The following XKR6 variants were observed in gnomAD, a reference collection of about 807,000 sequenced individuals.
XKR6 encodes XK-related protein 6.
XKR6 carries 22 observed loss-of-function variants against 56.7 expected under a neutral mutation model. That is an observed-to-expected ratio of 0.39 (90% confidence interval 0.28 to 0.55). XKR6 has a LOEUF of 0.55. Ranked by LOEUF, XKR6 falls within the 20% of genes least tolerant of loss-of-function variation. The probability of loss-of-function intolerance (pLI) is 0.66; values close to 1 mark genes in which losing one functional copy is unlikely to be tolerated. For missense variants in XKR6, 852 were observed against 889.0 expected (o/e 0.96, Z 0.53); for synonymous variants, 524 against 387.8 (o/e 1.35, Z -4.13).
At chr8:11,128,184 G>T (rs1218871330) in intron 1 of XKR6, among the ~76,000 whole-genome samples, 1 of 152,138 alleles carries the variant, frequency 6.6e-6, no homozygotes, top group Non-Finnish European at 1.5e-5. Context: ...CTAGAAACAG[G>T]AAACCACACT....
rs1210378474 is a variant in XKR6, at chr8:11,063,897, CTTTCTCTTTGAACT to C, written c.764+136665_764+136678del. 6.6e-5 allele frequency among the ~76,000 whole-genome samples: 10 copies of C among 152,232 alleles called. 1 individual carries two copies. Among genetic ancestry groups the C allele is most frequent in the Non-Finnish European group, 1.5e-4 (10 of 68,038 alleles). On this transcript the variant is annotated intron_variant, in intron 1 of 2. Transcript: ENST00000416569. The stretch of plus-strand genomic sequence containing the variant: ...TAACTGATGGCCCCAGAATGCATCT[CTTTCTCTTTGAACT>C]TTTTCCTCAAGCTAATAATTTCCCT...
chr8:10,980,930 G>C (rs1005736730), intron 1 of XKR6, among the ~76,000 whole-genome samples: 2 of 152,122 alleles, frequency 1.3e-5, no homozygotes, highest in Non-Finnish European at 2.9e-5. Context: ...GGAGGGATTA[G>C]AGACAGGGAC....
chr8:11,118,108 A>G (rs1799267640), intron 1 of XKR6, among the ~76,000 whole-genome samples: 2 of 152,156 alleles, frequency 1.3e-5, no homozygotes, highest in South Asian at 4.1e-4. Flanking sequence ...CCAGATTCTT[A>G]TTTCTTCTCA....
intron 1 of XKR6, among the ~76,000 whole-genome samples, chr8:11,007,831 G>A (rs371151301): frequency 1.3e-5 from 2 of 152,094 alleles, no homozygotes; most frequent in Non-Finnish European, 2.9e-5. Context: ...CTCTGGGCTT[G>A]TATCTTTTCC....
At position 10,898,440 on chromosome 8, in the gene XKR6, C is replaced by T. The variant is rs1407201948; in HGVS notation, c.1438G>A (p.Val480Ile). 1 of 1,614,088 alleles carries T rather than the reference C, an allele frequency of 6.2e-7. No individual in the cohort carries two copies. Among genetic ancestry groups the T allele is most frequent in the African/African-American group, 1.3e-5 (1 of 75,050 alleles). ...DSYAVPALCCVFISFVAGIAM... is the reference protein window; with the variant it reads ...DSYAVPALCCIFISFVAGIAM... ...ATCCCAGCCACAAAGCTAATAAAGACACAACACAGTGCTGGCACCGCATAG... is the reference window on the plus strand; with the variant it reads ...ATCCCAGCCACAAAGCTAATAAAGATACAACACAGTGCTGGCACCGCATAG... The change falls in exon 3 of 3, where the codon GTC (valine) becomes ATC (isoleucine). Residue 480 changes from valine to isoleucine, a missense_variant. Around this residue, in one of 4 missense-constraint regions of XKR6, gnomAD observed 197 missense variants for 190.9 expected, o/e 1.03. Transcript: ENST00000416569. The surrounding 1 kb of genome is among the most constrained non-coding windows in gnomAD (Gnocchi z 6.6).
intron 1 of XKR6, among the ~76,000 whole-genome samples, chr8:11,096,507 G>T (rs1053306244): frequency 2.0e-5 from 3 of 152,204 alleles, no homozygotes; most frequent in Non-Finnish European, 4.4e-5. Flanking sequence ...ACTGCACAAC[G>T]AAGGCATTGG....
chr8:11,155,297 C>A (rs182838348), intron 1 of XKR6, among the ~76,000 whole-genome samples: 4 of 152,276 alleles, frequency 2.6e-5, no homozygotes, highest in African/African-American at 7.2e-5. Flanking sequence ...TAGTTAATTA[C>A]GGGTCGAGTA....
At chr8:11,110,635 A>C (rs1386694254) in intron 1 of XKR6, among the ~76,000 whole-genome samples, 3 of 152,172 alleles carry the variant, frequency 2.0e-5, no homozygotes, top group African/African-American at 7.2e-5. Flanking sequence ...CTTGACCATC[A>C]TATGTATCTG....
chr8:11,103,340 C>T (rs1258714754), intron 1 of XKR6, among the ~76,000 whole-genome samples: 2 of 152,146 alleles, frequency 1.3e-5, no homozygotes, highest in Non-Finnish European at 2.9e-5. Flanking sequence ...GAGATTCAAA[C>T]ATTCAGGAGT....
At chr8:11,146,385 G>T (rs1800983189) in intron 1 of XKR6, among the ~76,000 whole-genome samples, 1 of 152,206 alleles carries the variant, frequency 6.6e-6, no homozygotes, top group African/African-American at 2.4e-5. Flanking sequence ...CAACACTTTG[G>T]GAGACTGGGG....
intron 1 of XKR6, chr8:11,106,638 CAGG>C (rs1041277296): frequency 6.6e-6 from 1 of 152,156 alleles, no homozygotes; most frequent in Admixed American, 6.6e-5. Flanking sequence ...CACTTGAGGT[CAGG>C]AGTTCAAGAT....
chr8:10,898,476 T>C lies in XKR6; in HGVS notation c.1402A>G (p.Thr468Ala), dbSNP rs915047374. The C allele has an allele frequency of 1.2e-6, 2 of 1,613,858 alleles. No individual in the cohort carries two copies. Among genetic ancestry groups the C allele is most frequent in the Non-Finnish European group, 8.5e-7 (1 of 1,179,988 alleles). Reference protein sequence around the residue: ...FLWYFYRDPETTDSYAVPALC... With the variant: ...FLWYFYRDPEATDSYAVPALC... ...GCTGGCACCGCATAGGAGTCAGTGGTCTCCGGGTCTCTGTAAAAATACCAA... is the reference window on the plus strand; with the variant it reads ...GCTGGCACCGCATAGGAGTCAGTGGCCTCCGGGTCTCTGTAAAAATACCAA... The change falls in exon 3 of 3, where the codon ACC becomes GCC. Residue 468 changes from threonine (T) to alanine (A), a missense_variant. By Grantham distance (58) the Thr-to-Ala change is moderately conservative. Around this residue, in one of 4 missense-constraint regions of XKR6, gnomAD observed 197 missense variants for 190.9 expected, o/e 1.03. Transcript: ENST00000416569. This position sits in a 1 kb window ranked among gnomAD's most constrained non-coding sequence, Gnocchi z 6.6.
chr8:11,055,503 A>C (rs1799659124), intron 1 of XKR6, among the ~76,000 whole-genome samples: 3 of 152,124 alleles, frequency 2.0e-5, no homozygotes, highest in Non-Finnish European at 1.5e-5. Context: ...GGTCTAGGAG[A>C]GCCACAGGCC....
chr8:11,039,203 G>C (rs542717424), intron 1 of XKR6, among the ~76,000 whole-genome samples: 1 of 152,314 alleles, frequency 6.6e-6, no homozygotes, highest in Non-Finnish European at 1.5e-5. Flanking sequence ...GAGGCCACCA[G>C]CCAATGTACT....
chr8:11,157,668 A>C (rs1801587627), intron 1 of XKR6, among the ~76,000 whole-genome samples: 1 of 152,114 alleles, frequency 6.6e-6, no homozygotes, highest in African/African-American at 2.4e-5. Flanking sequence ...GGTGCATGCC[A>C]CCATACATAG....
chr8:11,033,157 G>A (rs1261563053), intron 1 of XKR6, among the ~76,000 whole-genome samples: 2 of 151,828 alleles, frequency 1.3e-5, no homozygotes, highest in African/African-American at 4.8e-5. Flanking sequence ...GGTGATGAAG[G>A]GGTTGATGAT....
chr8:11,088,204 G>A (rs1213572564), intron 1 of XKR6, among the ~76,000 whole-genome samples: 2 of 152,138 alleles, frequency 1.3e-5, no homozygotes, highest in Non-Finnish European at 2.9e-5. Context: ...CCACACCTCT[G>A]TATCACCTTA....
chr8:11,133,806 C>A (rs1299730631), intron 1 of XKR6, among the ~76,000 whole-genome samples: 2 of 152,150 alleles, frequency 1.3e-5, no homozygotes, highest in African/African-American at 4.8e-5. Flanking sequence ...ACATCCAAAA[C>A]ATAATTAACT....
chr8:11,160,112 TCAAA>T lies in XKR6; in HGVS notation c.764+40460_764+40463del, dbSNP rs144642305. On this transcript the variant is annotated intron_variant, in intron 1 of 2. Coordinates refer to ENST00000416569, the MANE Select transcript of XKR6 (RefSeq NM_173683.4). Reference sequence around the variant, plus strand: ...TAATCATCGTGAGGAAAAAATGTTGTCAAACAAACTGACACACCATGCATTTAAA... The same window carrying T: ...TAATCATCGTGAGGAAAAAATGTTGTCAAACTGACACACCATGCATTTAAA... Among the ~76,000 whole-genome samples, 965 of 152,254 alleles carry T rather than the reference TCAAA, an allele frequency of 6.3e-3. 4 individuals carry two copies. Among genetic ancestry groups the T allele is most frequent in the African/African-American group, 0.022 (914 of 41,534 alleles).
Sources: gnomAD v4.1 joint callset for allele counts (sites outside exome capture counted in the v4.1 genomes callset) on GRCh38, gnomAD v4.1.1 for gene constraint, gnomAD v4.1.1 regional missense constraint, Gnocchi (gnomAD v3.1) non-coding constraint, MANE v1.5 for transcripts, NCBI Gene and HGNC (gene_info 2026-07-23, HGNC 2026-07-21) for gene names.